Variants in CADM2 observed in about 807,000 individuals in gnomAD.
CADM2 encodes the protein immunoglobulin superfamily member 4D.
A neutral mutation model predicts 49.8 loss-of-function variants in CADM2; 12 were observed. That is an observed-to-expected ratio of 0.24 (90% CI 0.15 to 0.39). The LOEUF (loss-of-function observed/expected upper bound fraction) is 0.39. CADM2 is among the 10% of genes least tolerant of loss of function. The pLI is 1.00. For missense variants in CADM2, 378 were observed against 492.3 expected, an observed-to-expected ratio of 0.77 and a Z score of 2.20; for synonymous variants, 214 against 175.4, an observed-to-expected ratio of 1.22 and a Z score of -1.74.
chr3:85,517,287 G>T (rs1182541241), intron 1 of CADM2, among the ~76,000 whole-genome samples: 1 of 151,920 alleles, frequency 6.6e-6, no homozygotes, highest in Non-Finnish European at 1.5e-5. Flanking sequence ...ATTACTTGTG[G>T]TTTAGCTTTA....
At chr3:85,918,830 T>C (rs1718727355) in intron 6 of CADM2, among the ~76,000 whole-genome samples, 1 of 152,112 alleles carries the variant, frequency 6.6e-6, no homozygotes, top group Non-Finnish European at 1.5e-5. Context: ...CACAGATTTC[T>C]TTGTAAAATA....
chr3:85,310,648 T>G (rs1309806983), intron 1 of CADM2, among the ~76,000 whole-genome samples: 1 of 152,116 alleles, frequency 6.6e-6, no homozygotes, highest in African/African-American at 2.4e-5. Context: ...AAAGGGAGCA[T>G]GGGAAAAAAG....
chr3:85,005,871 C>A (rs547836455), intron 1 of CADM2, among the ~76,000 whole-genome samples: 5 of 152,106 alleles, frequency 3.3e-5, no homozygotes, highest in African/African-American at 1.2e-4. Flanking sequence ...AATTTCTCAA[C>A]TTAAAGTGGG....
At chr3:86,045,737 G>A (rs531553678) in intron 8 of CADM2, among the ~76,000 whole-genome samples, 1 of 151,926 alleles carries the variant, frequency 6.6e-6, no homozygotes, top group African/African-American at 2.4e-5. Context: ...ATAATAATAA[G>A]AACAATAACA....
At chr3:85,921,527 T>C (rs1402469048) in intron 6 of CADM2, among the ~76,000 whole-genome samples, 1 of 152,058 alleles carries the variant, frequency 6.6e-6, no homozygotes, top group Non-Finnish European at 1.5e-5. Flanking sequence ...GTTTACTGAT[T>C]AGCTGAGCAG....
At position 85,523,268 on chromosome 3, in the gene CADM2, TAAAG is replaced by T. The variant is rs527337719; in HGVS notation, c.62-203253_62-203250del. Among the ~76,000 whole-genome samples the T allele has an allele frequency of 1.5e-3, 229 of 152,224 alleles. 1 individual carries two copies. The highest frequency in any genetic ancestry group is 5.2e-3 in the African/African-American group (217 of 41,542). On this transcript the variant is annotated intron_variant, in intron 1 of 9. Transcript: ENST00000383699. Reference sequence around the variant, plus strand: ...TTTCTGTTTCAAATCTAATCAGAGATAAAGGAAGGAAGGCTGCATCCCAGAAGTT... The same window carrying T: ...TTTCTGTTTCAAATCTAATCAGAGATGAAGGAAGGCTGCATCCCAGAAGTT...
intron 8 of CADM2, among the ~76,000 whole-genome samples, chr3:86,039,973 G>C (rs55982437): frequency 6.6e-6 from 1 of 152,102 alleles, no homozygotes; most frequent in African/African-American, 2.4e-5. Context: ...AGGCAAACAG[G>C]GTCTGGAGTG....
chr3:85,519,663 A>G (rs1249989496), intron 1 of CADM2, among the ~76,000 whole-genome samples: 1 of 152,146 alleles, frequency 6.6e-6, no homozygotes, highest in Non-Finnish European at 1.5e-5. Context: ...TTTAGTAAGT[A>G]AAGTTCTAAG....
chr3:85,318,986 A>G (rs1389491003), intron 1 of CADM2, among the ~76,000 whole-genome samples: 2 of 152,220 alleles, frequency 1.3e-5, no homozygotes, highest in Non-Finnish European at 2.9e-5. Flanking sequence ...TGAATTTTTC[A>G]GATAGCTTGG....
chr3:85,338,271 C>CA (rs1215493103), intron 1 of CADM2, among the ~76,000 whole-genome samples: 8 of 151,636 alleles, frequency 5.3e-5, no homozygotes, highest in South Asian at 2.1e-4. Context: ...TCAATACACA[C>CA]AAAAAAATTT....
intron 1 of CADM2, among the ~76,000 whole-genome samples, chr3:85,558,391 A>T (rs1278400717): frequency 6.6e-6 from 1 of 152,022 alleles, no homozygotes; most frequent in African/African-American, 2.4e-5. Context: ...TATCGTGTTG[A>T]TTCTGTAACA....
intron 1 of CADM2, among the ~76,000 whole-genome samples, chr3:85,630,377 C>A (rs2064271403): frequency 6.6e-6 from 1 of 151,998 alleles, no homozygotes; most frequent in South Asian, 2.1e-4. Flanking sequence ...ACAGTGACTT[C>A]TCATTCAAGA....
At chr3:85,563,080 A>G (rs1415798062) in intron 1 of CADM2, among the ~76,000 whole-genome samples, 1 of 152,156 alleles carries the variant, frequency 6.6e-6, no homozygotes, top group Non-Finnish European at 1.5e-5. Flanking sequence ...AAATTCCCTT[A>G]ATTAGAAAAT....
intron 3 of CADM2, among the ~76,000 whole-genome samples, chr3:85,844,205 A>G (rs2074772313): frequency 1.3e-5 from 2 of 152,102 alleles, no homozygotes. Context: ...TTTTTTCAAT[A>G]TTATAGAATA....
intron 2 of CADM2, among the ~76,000 whole-genome samples, chr3:85,760,163 G>A (rs2069304359): frequency 6.6e-6 from 1 of 152,052 alleles, no homozygotes; most frequent in African/African-American, 2.4e-5. Flanking sequence ...AAATCTCACT[G>A]CTCTGAAAGA....
At chr3:85,673,491 T>C (rs1479742186) in intron 1 of CADM2, among the ~76,000 whole-genome samples, 1 of 119,114 alleles carries the variant, frequency 8.4e-6, no homozygotes, top group African/African-American at 3.3e-5. Context: ...GAGAGTGCTA[T>C]TAAAAAAAAA....
At chr3:86,035,786 C>A (rs1248517905) in intron 8 of CADM2, among the ~76,000 whole-genome samples, 1 of 152,070 alleles carries the variant, frequency 6.6e-6, no homozygotes, top group Non-Finnish European at 1.5e-5. Flanking sequence ...TTGTTAGTAG[C>A]TCAAGTTGCT....
chr3:85,273,918 G>T (rs1204629047), intron 1 of CADM2, among the ~76,000 whole-genome samples: 1 of 151,532 alleles, frequency 6.6e-6, no homozygotes, highest in African/African-American at 2.4e-5. Flanking sequence ...AATGTTTACA[G>T]GAGAGGAAGA....
At chr3:85,666,946 T>C (rs2065588944) in intron 1 of CADM2, among the ~76,000 whole-genome samples, 1 of 152,008 alleles carries the variant, frequency 6.6e-6, no homozygotes, top group Admixed American at 6.6e-5. Context: ...AACTCTAAAA[T>C]TATATTTTTC....
Sources: allele counts gnomAD v4.1 joint callset (sites outside exome capture counted in the v4.1 genomes callset), GRCh38; gene constraint gnomAD v4.1.1; transcripts MANE v1.5; gene names NCBI Gene and HGNC (gene_info 2026-07-23, HGNC 2026-07-21).